NCMAP: variants seen among roughly 807,000 people sequenced by gnomAD.
The protein encoded by NCMAP is noncompact myelin-associated protein.
In NCMAP, 8 loss-of-function variants were observed where a neutral mutation model predicts 7.8. The ratio of observed to expected loss-of-function variants is 1.02; its 90% CI spans 0.60 to 1.84. The LOEUF (loss-of-function observed/expected upper bound fraction) is 1.84. Among genes scored for constraint, NCMAP ranks in the 40% most tolerant of loss-of-function variants. The pLI is 0.00. For synonymous variants in NCMAP, 41 were observed against 52.9 expected, an observed-to-expected ratio of 0.78 and a Z score of 0.98; for missense variants, 112 against 131.4, an observed-to-expected ratio of 0.85 and a Z score of 0.72.
chr1:24,605,191 T>A (rs1406033983), intron 3 of NCMAP, among the ~76,000 whole-genome samples: 1 of 152,186 alleles, frequency 6.6e-6, no homozygotes, highest in Non-Finnish European at 1.5e-5. Context: ...GAAGCCAAGA[T>A]AAATGTTTTC....
chr1:24,601,059 G>A (rs756907584), intron 3 of NCMAP, 35 bp downstream of exon 3: 14 of 1,561,126 alleles, frequency 9.0e-6, no homozygotes, highest in East Asian at 2.2e-5. Flanking sequence ...CTGCCTGGAC[G>A]GTCCCTTCAG....
In NCMAP at chr1:24,593,182, G is replaced by GA. The variant is rs11331272; in HGVS notation, c.-7-2229dup. Among the ~76,000 whole-genome samples, 1,067 of 137,748 alleles carry GA rather than the reference G, an allele frequency of 7.7e-3. 12 individuals are homozygous for GA. The highest frequency in any genetic ancestry group is 0.021 in the African/African-American group (775 of 36,572). 90.4% of individuals were successfully genotyped at this position (137,748 alleles called of 152,430 possible). On this transcript the variant is annotated intron_variant, in intron 1 of 3. Transcript: ENST00000374392. Reference sequence around the variant, plus strand: ...GACAGAGTAAGACTCTACCTCAAAAGAAAAAAAAAAAAAGAACTGGGCTGG... The same window carrying GA: ...GACAGAGTAAGACTCTACCTCAAAAGAAAAAAAAAAAAAAGAACTGGGCTGG...
At chr1:24,567,484 G>A (rs533778329) in intron 1 of NCMAP, among the ~76,000 whole-genome samples, 4 of 152,276 alleles carry the variant, frequency 2.6e-5, no homozygotes, top group South Asian at 2.1e-4. Flanking sequence ...GGGGGTTAAC[G>A]TGCACTGCTA....
chr1:24,586,073 A>G (rs1651871844), intron 1 of NCMAP, among the ~76,000 whole-genome samples: 1 of 152,204 alleles, frequency 6.6e-6, no homozygotes, highest in African/African-American at 2.4e-5. Context: ...TTGGGCAATT[A>G]TGGTATCTCA....
Position 24,597,646 on chromosome 1 carries a change from A to AGAAG in NCMAP, c.82+2137_82+2138insGGAA, listed in dbSNP as rs1491578667. 3.5e-4 allele frequency among the ~76,000 whole-genome samples: 47 copies of AGAAG among 135,432 alleles called. 2 individuals are homozygous for AGAAG. The highest frequency in any genetic ancestry group is 4.7e-4 in the Non-Finnish European group (29 of 61,802). The allele number at this position is 135,432 out of a possible 152,430, so 88.8% of individuals were successfully genotyped here. ...AAGAAAGAAAGAAAGAAAGAAAGAA[A>AGAAG]GAAAGAAAGAAAGAAAGAAAGAAAG... On this transcript the variant is annotated intron_variant, in intron 2 of 3. Transcript: ENST00000374392.
intron 1 of NCMAP, among the ~76,000 whole-genome samples, chr1:24,567,467 T>C (rs1651261439): frequency 6.6e-6 from 1 of 152,154 alleles, no homozygotes; most frequent in Non-Finnish European, 1.5e-5. Flanking sequence ...GCCCAGGCAT[T>C]CTGCTAGGGG....
In NCMAP at chr1:24,607,460, T is replaced by C. The variant is rs2148941713; in HGVS notation, c.*1713T>C. ...TTCCTCTCAAAAACTTGTGATCTTATAATTGATGGCATCTTGGAAACAAGG... is the reference window on the plus strand; with the variant it reads ...TTCCTCTCAAAAACTTGTGATCTTACAATTGATGGCATCTTGGAAACAAGG... On this transcript the variant is annotated 3_prime_UTR_variant, in exon 4 of 4. Coordinates refer to ENST00000374392, the MANE Select transcript of NCMAP (RefSeq NM_001010980.5). 1 of 151,122 alleles carries C rather than the reference T, an allele frequency of 6.6e-6. No homozygotes were observed. The highest frequency in any genetic ancestry group is 2.4e-5 in the African/African-American group (1 of 41,506). The allele number at this position is 151,122 out of a possible 1,614,324, so 9.4% of individuals were successfully genotyped here.
At chr1:24,588,370 G>C (rs751931666) in intron 1 of NCMAP, among the ~76,000 whole-genome samples, 31 of 152,212 alleles carry the variant, frequency 2.0e-4, no homozygotes, top group Non-Finnish European at 2.2e-4. Context: ...AGGAGATTGG[G>C]AGAAATCAAT....
intron 1 of NCMAP, among the ~76,000 whole-genome samples, chr1:24,568,100 A>T (rs1452829563): frequency 6.6e-6 from 1 of 152,128 alleles, no homozygotes; most frequent in Non-Finnish European, 1.5e-5. Context: ...GGCCTGGAAC[A>T]CGGGGCAACT....
chr1:24,583,536 G>A (rs902358771), intron 1 of NCMAP, among the ~76,000 whole-genome samples: 64 of 152,084 alleles, frequency 4.2e-4, no homozygotes, highest in African/African-American at 1.5e-3. Flanking sequence ...CAACATGGGT[G>A]AAACCCCATC....
chr1:24,565,572 TTGTGTGTGTGTGTG>T lies in NCMAP; in HGVS notation c.-8+9433_-8+9446del, dbSNP rs58714256. ...GGCCATTTTTAGAAGTGATAGAAGA[TTGTGTGTGTGTGTG>T]TGTGTGTGTGTGTGTGTGTGTGTGT... On this transcript the variant is annotated intron_variant, in intron 1 of 3. Transcript: ENST00000374392. 3.0e-3 allele frequency among the ~76,000 whole-genome samples: 432 copies of T among 143,762 alleles called. 9 individuals carry two copies. In the East Asian group the frequency reaches 0.055, roughly 18 times the overall value. The allele number at this position is 143,762 out of a possible 152,430, so 94.3% of individuals were successfully genotyped here.
chr1:24,599,827 C>A (rs1233196702), intron 2 of NCMAP, among the ~76,000 whole-genome samples: 1 of 72,334 alleles, frequency 1.4e-5, no homozygotes, highest in African/African-American at 4.9e-5. Context: ...CCGCCCCCCC[C>A]CCCCCCCCCC....
intron 1 of NCMAP, among the ~76,000 whole-genome samples, chr1:24,584,026 G>C (rs1193336267): frequency 6.6e-6 from 1 of 152,190 alleles, no homozygotes; most frequent in African/African-American, 2.4e-5. Flanking sequence ...CTTGCATAGG[G>C]TCTGCTTGAG....
At position 24,575,285 on chromosome 1, in the gene NCMAP, G is replaced by T. The variant is rs553521858; in HGVS notation, c.-8+19116G>T. Among the ~76,000 whole-genome samples the T allele has an allele frequency of 2.0e-5, 3 of 152,094 alleles. No individual in the cohort carries two copies. In the South Asian group the frequency reaches 6.2e-4, roughly 32 times the overall value. On this transcript the variant is annotated intron_variant, in intron 1 of 3. Coordinates refer to ENST00000374392, the MANE Select transcript of NCMAP (RefSeq NM_001010980.5). ...CTTTTAGAGCAGCAAAAAAGTTTCA[G>T]TTTTTTTCCCTCGGGTTGGAAAAAA...
intron 1 of NCMAP, among the ~76,000 whole-genome samples, chr1:24,573,839 T>C (rs1281982479): frequency 6.7e-6 from 1 of 148,940 alleles, no homozygotes. Flanking sequence ...TTGGGGTGTG[T>C]CTGTGATGGT....
At chr1:24,592,093 C>T (rs545655163) in intron 1 of NCMAP, among the ~76,000 whole-genome samples, 2 of 152,280 alleles carry the variant, frequency 1.3e-5, no homozygotes, top group East Asian at 1.9e-4. Flanking sequence ...GGCAGCCAGC[C>T]CAGAGGCAGC....
At chr1:24,599,818 C>T (rs547945205) in intron 2 of NCMAP, among the ~76,000 whole-genome samples, 610 of 22,706 alleles carry the variant, frequency 0.027, 56 homozygotes, top group Non-Finnish European at 0.033. Context: ...CCTCGTGATC[C>T]GCCCCCCCCC....
At position 24,609,271 on chromosome 1, in the gene NCMAP, A is replaced by C. The variant is rs1447797054; in HGVS notation, c.*3524A>C. ...GCTGCCTTATTTGGCCACTGAAACA[A>C]TCAAAGCTAATAAATGCTTAAAGAA... On this transcript the variant is annotated 3_prime_UTR_variant, in exon 4 of 4. Transcript: ENST00000374392. 6.6e-6 allele frequency: 1 copy of C among 152,228 alleles called. No individual in the cohort carries two copies. Among genetic ancestry groups the C allele is most frequent in the East Asian group, 1.9e-4 (1 of 5,202 alleles). 9.4% of individuals were successfully genotyped at this position (152,228 alleles called of 1,614,324 possible).
chr1:24,556,733 C>T (rs999412812), intron 1 of NCMAP, among the ~76,000 whole-genome samples: 2 of 152,114 alleles, frequency 1.3e-5, no homozygotes, highest in East Asian at 1.9e-4. Context: ...GATGCAGAGA[C>T]GGCTCCAGTC....
Sources: allele counts gnomAD v4.1 joint callset (sites outside exome capture counted in the v4.1 genomes callset), GRCh38; gene constraint gnomAD v4.1.1; transcripts MANE v1.5; gene names NCBI Gene and HGNC (gene_info 2026-07-23, HGNC 2026-07-21).